The following HORMAD2 variants were observed in gnomAD, a reference collection of about 807,000 sequenced individuals.
The protein encoded by HORMAD2 is HORMA domain containing 2, also known as HORMA domain-containing protein 2.
A neutral mutation model predicts 38.8 loss-of-function variants in HORMAD2; 45 were observed. The observed-to-expected ratio is 1.16, with a 90% confidence interval of 0.91 to 1.49. The LOEUF is 1.49. Ranked by LOEUF, HORMAD2 falls within the 40% of genes most tolerant of loss-of-function variation. HORMAD2 has a pLI of 0.00. For synonymous variants in HORMAD2, 126 were observed against 122.8 expected, an observed-to-expected ratio of 1.03 and a Z score of -0.17; for missense variants, 338 against 367.0, an observed-to-expected ratio of 0.92 and a Z score of 0.65.
intron 3 of HORMAD2, among the ~76,000 whole-genome samples, chr22:30,102,485 A>T (rs1920955920): frequency 6.6e-6 from 1 of 152,250 alleles, no homozygotes; most frequent in Admixed American, 6.5e-5. Context: ...TGTTATATCA[A>T]CATGGGATAA....
chr22:30,203,227 T>C, the HORMAD2 span, among the ~76,000 whole-genome samples: 2 of 77,286 alleles, frequency 2.6e-5, no homozygotes, highest in African/African-American at 6.5e-5. Context: ...AAACCCTGTA[T>C]CTACAAAATA....
intron 1 of HORMAD2, among the ~76,000 whole-genome samples, chr22:30,085,679 T>C (rs2068558098): frequency 6.6e-6 from 1 of 152,210 alleles, no homozygotes; most frequent in Non-Finnish European, 1.5e-5. Context: ...GCTTGAACCC[T>C]GGAAACAGAG....
chr22:30,137,424 C>G (rs374287032), intron 10 of HORMAD2: 4 of 399,998 alleles, frequency 1.0e-5, no homozygotes, highest in East Asian at 6.9e-5. Flanking sequence ...GAGGTCAAGG[C>G]TGCAGTGAGC....
chr22:30,195,480 G>A, the HORMAD2 span, among the ~76,000 whole-genome samples: 1 of 152,184 alleles, frequency 6.6e-6, no homozygotes, highest in Non-Finnish European at 1.5e-5. Context: ...GTCACAGTGA[G>A]TCAATGGCAG....
At chr22:30,172,724 C>A (rs774392842) in intron 10 of HORMAD2, among the ~76,000 whole-genome samples, 6 of 151,978 alleles carry the variant, frequency 3.9e-5, no homozygotes, top group Non-Finnish European at 8.8e-5. Context: ...CCTGTCTCTA[C>A]TAAAAATACA....
chr22:30,146,511 G>GA (rs1346281434), intron 10 of HORMAD2, among the ~76,000 whole-genome samples: 1 of 151,788 alleles, frequency 6.6e-6, no homozygotes, highest in Non-Finnish European at 1.5e-5. Flanking sequence ...GAAAAGAAAA[G>GA]AAAAAATGAA....
chr22:30,181,243 G>A (rs1413964384), downstream of HORMAD2, among the ~76,000 whole-genome samples: 3 of 151,738 alleles, frequency 2.0e-5, no homozygotes, highest in East Asian at 5.8e-4. Flanking sequence ...TGAACTCCTG[G>A]GCTCAAGCTA....
Position 30,137,329 on chromosome 22 carries a change from C to A in HORMAD2, c.819+15115C>A, listed in dbSNP as rs189751951. On this transcript the variant is annotated intron_variant, in intron 10 of 10. Transcript: ENST00000336726. Reference sequence around the variant, plus strand: ...TTGAGTCCTGGCGATGAGTGTCTTTCCCATAGTTATTATACTGAACATAGC... The same window carrying A: ...TTGAGTCCTGGCGATGAGTGTCTTTACCATAGTTATTATACTGAACATAGC... 328 of 512,082 alleles carry A rather than the reference C, an allele frequency of 6.4e-4. 1 individual carries two copies. Among genetic ancestry groups the A allele is most frequent in the African/African-American group, 6.0e-3 (309 of 51,856 alleles). 31.7% of individuals were successfully genotyped at this position (512,082 alleles called of 1,614,324 possible).
intron 10 of HORMAD2, among the ~76,000 whole-genome samples, chr22:30,170,788 G>A (rs1926064137): frequency 6.6e-6 from 1 of 151,982 alleles, no homozygotes; most frequent in South Asian, 2.1e-4. Flanking sequence ...CCCTCCCTCT[G>A]GACTTCTATA....
At chr22:30,205,237 G>A in the HORMAD2 span, among the ~76,000 whole-genome samples, 3 of 152,146 alleles carry the variant, frequency 2.0e-5, no homozygotes, top group African/African-American at 7.2e-5. Context: ...GGGTGTGTGT[G>A]TGTTACCTAA....
intron 10 of HORMAD2, among the ~76,000 whole-genome samples, chr22:30,160,590 T>G (rs1471118484): frequency 6.6e-6 from 1 of 152,192 alleles, no homozygotes; most frequent in Admixed American, 6.5e-5. Context: ...TAACAGTGAT[T>G]GTCTTTTAGA....
Position 30,111,826 on chromosome 22 carries a change from C to T in HORMAD2, c.315+10C>T. 2 of 1,567,914 alleles carry T rather than the reference C, an allele frequency of 1.3e-6. No homozygotes were observed. The highest frequency in any genetic ancestry group is 1.7e-6 in the Non-Finnish European group (2 of 1,155,360). ...TATGGCAGTACTGACAGTAAGTACA[C>T]ACTCATTTAAAGACCAAGCCTCTGT... On this transcript the variant is annotated intron_variant, in intron 6 of 10. Transcript: ENST00000336726.
the HORMAD2 span, among the ~76,000 whole-genome samples, chr22:30,200,230 TA>T: frequency 4.7e-3 from 698 of 146,988 alleles, 5 homozygotes; most frequent in African/African-American, 0.015. Context: ...AATTTTCTTT[TA>T]AAAAAAAAAA....
In HORMAD2 at chr22:30,177,023, T is replaced by A. The variant is rs1008399126; in HGVS notation, c.*856T>A. 2 of 152,694 alleles carry A rather than the reference T, an allele frequency of 1.3e-5. No individual in the cohort carries two copies. Among genetic ancestry groups the A allele is most frequent in the African/African-American group, 4.8e-5 (2 of 41,422 alleles). 9.5% of individuals were successfully genotyped at this position (152,694 alleles called of 1,614,324 possible). A position where few individuals can be genotyped will look rare whatever the true frequency, so the allele number is the denominator to read the frequency against. Reference sequence around the variant, plus strand: ...ATTTAATTTAAATGGATAGGACCAATAAGTTAAATATTAAGTGTGTGACTT... The same window carrying A: ...ATTTAATTTAAATGGATAGGACCAAAAAGTTAAATATTAAGTGTGTGACTT... On this transcript the variant is annotated 3_prime_UTR_variant, in exon 11 of 11. Transcript: ENST00000336726.
chr22:30,115,910 G>A (rs543155765), intron 7 of HORMAD2, among the ~76,000 whole-genome samples: 12 of 152,276 alleles, frequency 7.9e-5, no homozygotes, highest in African/African-American at 2.4e-4. Context: ...GCCCATGCAA[G>A]TCTGTGAAGG....
chr22:30,084,863 C>T (rs915160713), intron 1 of HORMAD2, among the ~76,000 whole-genome samples: 6 of 151,890 alleles, frequency 4.0e-5, no homozygotes, highest in African/African-American at 9.7e-5. Context: ...ATGAGCTAAA[C>T]GGCCAGGCGT....
At chr22:30,190,093 G>T in the HORMAD2 span, among the ~76,000 whole-genome samples, 1 of 152,164 alleles carries the variant, frequency 6.6e-6, no homozygotes, top group Non-Finnish European at 1.5e-5. Context: ...GTGGGCTTGG[G>T]TGAGCAATTC....
the HORMAD2 span, among the ~76,000 whole-genome samples, chr22:30,204,555 T>C: frequency 6.6e-6 from 1 of 152,080 alleles, no homozygotes; most frequent in Non-Finnish European, 1.5e-5. Flanking sequence ...AATCCAAATG[T>C]GAAACTCTAG....
intron 1 of HORMAD2, among the ~76,000 whole-genome samples, chr22:30,081,583 C>CT (rs11412352): frequency 0.21 from 31,825 of 148,150 alleles, 3,829 homozygotes; most frequent in Middle Eastern, 0.37. Flanking sequence ...TTTCTTTTTT[C>CT]TTTTTTTTTT....
Sources: gnomAD v4.1 joint callset for allele counts (sites outside exome capture counted in the v4.1 genomes callset) on GRCh38, gnomAD v4.1.1 for gene constraint, MANE v1.5 for transcripts, NCBI Gene and HGNC (gene_info 2026-07-23, HGNC 2026-07-21) for gene names.